CDC42SE2: variants seen among roughly 807,000 people sequenced by gnomAD.
The protein encoded by CDC42SE2 is CDC42 small effector protein 2.
CDC42SE2 carries 3 observed loss-of-function variants against 11.5 expected under a neutral mutation model. That is an observed-to-expected ratio of 0.26 (90% CI 0.12 to 0.67). The LOEUF (loss-of-function observed/expected upper bound fraction) is 0.67, where lower values mean the gene tolerates loss of function less well. CDC42SE2 is among the 30% of genes least tolerant of loss of function. The probability of loss-of-function intolerance (pLI) is 0.80; values close to 1 mark genes in which losing one functional copy is unlikely to be tolerated. For synonymous variants in CDC42SE2, 33 were observed against 34.8 expected (o/e 0.95, Z 0.18); for missense variants, 82 against 106.8 (o/e 0.77, Z 1.02).
At chr5:131,231,574 G>A in the CDC42SE2 span, among the ~76,000 whole-genome samples, 1 of 151,962 alleles carries the variant, frequency 6.6e-6, no homozygotes, top group African/African-American at 2.4e-5. Context: ...TCTGGTGTTT[G>A]GCCGGCTGGT....
At chr5:131,373,994 T>A (rs1750081099) in intron 3 of CDC42SE2, among the ~76,000 whole-genome samples, 1 of 152,108 alleles carries the variant, frequency 6.6e-6, no homozygotes, top group Non-Finnish European at 1.5e-5. Flanking sequence ...GTACAAAATC[T>A]GCCTAAAGTT....
At chr5:131,218,526 A>C in the CDC42SE2 span, among the ~76,000 whole-genome samples, 1 of 152,190 alleles carries the variant, frequency 6.6e-6, no homozygotes, top group Admixed American at 6.5e-5. Flanking sequence ...CAGCACTTGC[A>C]CTCTGAGGTA....
chr5:131,386,769 T>A (rs1253958727), intron 4 of CDC42SE2, among the ~76,000 whole-genome samples: 1 of 152,174 alleles, frequency 6.6e-6, no homozygotes, highest in Non-Finnish European at 1.5e-5. Flanking sequence ...AGTAAACAAG[T>A]ATAAATGATC....
intron 3 of CDC42SE2, among the ~76,000 whole-genome samples, chr5:131,361,428 C>G (rs1023330606): frequency 1.3e-5 from 2 of 152,164 alleles, no homozygotes; most frequent in South Asian, 4.1e-4. Context: ...TGGCTCGCTT[C>G]TTCAGTGCCC....
At chr5:131,294,332 C>T (rs193048041) in intron 1 of CDC42SE2, among the ~76,000 whole-genome samples, 2 of 152,258 alleles carry the variant, frequency 1.3e-5, no homozygotes, top group African/African-American at 4.8e-5. Flanking sequence ...ACAAATTACT[C>T]ATCAGTTTGG....
intron 1 of CDC42SE2, among the ~76,000 whole-genome samples, chr5:131,310,795 G>C (rs1757889952): frequency 6.6e-6 from 1 of 151,752 alleles, no homozygotes; most frequent in African/African-American, 2.4e-5. Flanking sequence ...CCATTTGTTT[G>C]GTAGAGCTTC....
intron 4 of CDC42SE2, 132 bp downstream of exon 4, chr5:131,385,776 T>G: frequency 1.9e-6 from 1 of 524,388 alleles, no homozygotes; most frequent in Non-Finnish European, 3.4e-6. Context: ...ATACATAATA[T>G]GAGCATAGAA....
At chr5:131,293,392 T>G (rs1282815688) in intron 1 of CDC42SE2, among the ~76,000 whole-genome samples, 1 of 152,134 alleles carries the variant, frequency 6.6e-6, no homozygotes, top group African/African-American at 2.4e-5. Flanking sequence ...CCCAACATGG[T>G]GAAACCCTGT....
intron 1 of CDC42SE2, among the ~76,000 whole-genome samples, chr5:131,278,914 AG>A (rs1245987035): frequency 6.8e-6 from 1 of 147,398 alleles, no homozygotes; most frequent in Non-Finnish European, 1.5e-5. Context: ...CCTCCCGAGT[AG>A]GTGAGACTAC....
At chr5:131,278,724 CCCCCCTCCCCTCCCCTCCCCCTCCCCT>C (rs1757161396) in intron 1 of CDC42SE2, among the ~76,000 whole-genome samples, 1 of 9,196 alleles carries the variant, frequency 1.1e-4, no homozygotes, top group African/African-American at 4.5e-4. Context: ...CCCCTCCCCT[CCCCCCTCCCCTCCCCTCCCCCTCCCCT>C]CCCCTCTCCT....
chr5:131,335,659 G>A (rs1045964540), intron 2 of CDC42SE2, among the ~76,000 whole-genome samples: 1 of 152,140 alleles, frequency 6.6e-6, no homozygotes, highest in African/African-American at 2.4e-5. Context: ...CTCCTGTATT[G>A]GATGCACATG....
At position 131,284,882 on chromosome 5, in the gene CDC42SE2, A is replaced by T. The variant is rs576998116; in HGVS notation, c.-455+20716A>T. Among the ~76,000 whole-genome samples the T allele has an allele frequency of 2.0e-5, 3 of 152,182 alleles. No homozygotes were observed. The South Asian group carries it at 6.2e-4, about 32-fold the overall frequency. On this transcript the variant is annotated intron_variant, in intron 1 of 4. Coordinates refer to ENST00000505065, the MANE Select transcript of CDC42SE2 (RefSeq NM_001375635.1). ...TTTTAAATGATAATAGAGGTTGCCT[A>T]TGGTGGTGTGCGCTTTAGTCCCAGC...
intron 2 of CDC42SE2, among the ~76,000 whole-genome samples, chr5:131,329,451 G>A (rs1758366931): frequency 6.6e-6 from 1 of 151,898 alleles, no homozygotes; most frequent in Non-Finnish European, 1.5e-5. Flanking sequence ...TGTTCCTCTT[G>A]GTAAGAATTG....
chr5:131,267,530 G>C (rs1756895710), intron 1 of CDC42SE2, among the ~76,000 whole-genome samples: 1 of 152,092 alleles, frequency 6.6e-6, no homozygotes, highest in South Asian at 2.1e-4. Context: ...TGTCTGTTGG[G>C]GAGAGGGTAG....
chr5:131,340,679 TTGAG>T (rs1258749298), intron 2 of CDC42SE2, among the ~76,000 whole-genome samples: 6 of 132,616 alleles, frequency 4.5e-5, no homozygotes, highest in African/African-American at 1.8e-4. Flanking sequence ...GAAAAATTGT[TTGAG>T]TATCTTTTTT....
the CDC42SE2 span, among the ~76,000 whole-genome samples, chr5:131,217,885 A>G: frequency 6.6e-6 from 1 of 152,204 alleles, no homozygotes; most frequent in African/African-American, 2.4e-5. Flanking sequence ...CATACATTAG[A>G]AAAATGAGGC....
At chr5:131,295,565 A>G (rs963104129) in intron 1 of CDC42SE2, among the ~76,000 whole-genome samples, 1 of 152,204 alleles carries the variant, frequency 6.6e-6, no homozygotes, top group Non-Finnish European at 1.5e-5. Context: ...ATAAGTATAT[A>G]TAGTATTTTT....
chr5:131,265,578 A>G (rs1022995808), intron 1 of CDC42SE2, among the ~76,000 whole-genome samples: 7 of 152,230 alleles, frequency 4.6e-5, no homozygotes. Context: ...CTTGAATGCA[A>G]AGTTATTTCC....
At chr5:131,282,167 A>G (rs1757249128) in intron 1 of CDC42SE2, among the ~76,000 whole-genome samples, 1 of 152,242 alleles carries the variant, frequency 6.6e-6, no homozygotes, top group Admixed American at 6.5e-5. Flanking sequence ...AAGCTGAAAT[A>G]GAACTGAGTT....
Sources: allele counts gnomAD v4.1 joint callset (sites outside exome capture counted in the v4.1 genomes callset), GRCh38; gene constraint gnomAD v4.1.1; transcripts MANE v1.5; gene names NCBI Gene and HGNC (gene_info 2026-07-23, HGNC 2026-07-21).